Variants in KNTC1 observed in about 807,000 individuals in gnomAD.
The protein encoded by KNTC1 is kinetochore-associated protein 1.
KNTC1 carries 253 observed loss-of-function variants against 314.4 expected under a neutral mutation model. The observed-to-expected ratio is 0.80, with a 90% CI of 0.73 to 0.89. The LOEUF is 0.89. Ranked by LOEUF, KNTC1 falls within the 40% of genes least tolerant of loss-of-function variation. KNTC1 has a pLI of 0.00. For synonymous variants in KNTC1, 901 were observed against 901.4 expected (o/e 1.00, Z 0.01); for missense variants, 2,475 against 2,572.9 (o/e 0.96, Z 0.82).
intron 16 of KNTC1, among the ~76,000 whole-genome samples, chr12:122,556,074 G>A (rs938707377): frequency 7.3e-5 from 11 of 151,526 alleles, no homozygotes; most frequent in African/African-American, 1.2e-4. Context: ...GTGCAGTGGC[G>A]CGATTTTGGC....
At chr12:122,617,523 C>CTAG in intron 57 of KNTC1, 1 of 268,942 alleles carries the variant, frequency 3.7e-6, no homozygotes, top group East Asian at 1.3e-4. Context: ...CGCGCCTGGC[C>CTAG]AGTGTTCTTT....
rs117443613 is a variant in KNTC1, at chr12:122,530,138, A to G, written c.75A>G (p.Glu25=). 180 of 1,613,730 alleles carry G rather than the reference A, an allele frequency of 1.1e-4. No individual in the cohort carries two copies. The East Asian group carries it at 3.9e-3, about 35-fold the overall frequency. The change falls in exon 2 of 64, where the codon GAA becomes GAG. Residue 25 remains glutamate (E), a synonymous_variant. Coordinates refer to ENST00000333479, the MANE Select transcript of KNTC1 (RefSeq NM_014708.6). ...ACCTGAGTGTCGGTTCAAGAAAAGA[A>G]CATGGAACTGCTTTATATCAAGTAG... ...SGYLSVGSRK[E]HGTALYQVDL...
chr12:122,555,609 G>A (rs1963529544), intron 16 of KNTC1, among the ~76,000 whole-genome samples: 1 of 151,804 alleles, frequency 6.6e-6, no homozygotes, highest in African/African-American at 2.4e-5. Context: ...CAGCACCTTG[G>A]AAGGCCAGGG....
intron 57 of KNTC1, among the ~76,000 whole-genome samples, chr12:122,616,584 G>A (rs1873792034): frequency 6.6e-6 from 1 of 152,094 alleles, no homozygotes; most frequent in Non-Finnish European, 1.5e-5. Flanking sequence ...TTACAGGCAT[G>A]TATGCTATGT....
chr12:122,611,734 A>G (rs1420265722), intron 53 of KNTC1: 1 of 152,200 alleles, frequency 6.6e-6, no homozygotes, highest in Non-Finnish European at 1.5e-5. Flanking sequence ...AAATCTGAGG[A>G]CGCTCAAGTC....
At chr12:122,591,497 C>T (rs377261258) in intron 42 of KNTC1, 44 bp downstream of exon 42, 30 of 1,014,624 alleles carry the variant, frequency 3.0e-5, no homozygotes, top group African/African-American at 2.3e-4. Flanking sequence ...GTTAATTACC[C>T]GGTTGGAAAA....
intron 52 of KNTC1, among the ~76,000 whole-genome samples, chr12:122,610,261 C>CGTG (rs1236814172): frequency 6.6e-5 from 10 of 152,236 alleles, no homozygotes; most frequent in Non-Finnish European, 1.3e-4. Context: ...GAACTAGGCA[C>CGTG]GTGGAAGGTC....
In KNTC1 at chr12:122,582,780, A is replaced by G. The variant is rs1267603546; in HGVS notation, c.3058A>G (p.Ile1020Val). The G allele has an allele frequency of 6.2e-7, 1 of 1,612,954 alleles. No individual in the cohort carries two copies. Among genetic ancestry groups the G allele is most frequent in the Non-Finnish European group, 8.5e-7 (1 of 1,179,576 alleles). ...SLVADLREQH[I>V]KAHEVAQAKH... Reference sequence around the variant, plus strand: ...GGTAGCAGATCTCCGTGAGCAGCACATTAAAGCTCACGAAGTTGCACAGGC... The same window carrying G: ...GGTAGCAGATCTCCGTGAGCAGCACGTTAAAGCTCACGAAGTTGCACAGGC... Residue 1020 changes from isoleucine (I) to valine (V), a missense_variant, in exon 34 of 64, where the codon ATT (isoleucine) becomes GTT (valine). Physicochemically the swap from Ile to Val is conservative, Grantham distance 29. Transcript: ENST00000333479.
At chr12:122,564,805 A>G (rs1964197005) in intron 20 of KNTC1, among the ~76,000 whole-genome samples, 1 of 152,074 alleles carries the variant, frequency 6.6e-6, no homozygotes, top group Non-Finnish European at 1.5e-5. Flanking sequence ...TTTACCTTTG[A>G]TCATAGTCAG....
At chr12:122,548,289 A>T (rs996464467) in intron 12 of KNTC1, among the ~76,000 whole-genome samples, 1 of 151,462 alleles carries the variant, frequency 6.6e-6, no homozygotes, top group Admixed American at 6.6e-5. Flanking sequence ...GCTCACTGCA[A>T]CCCCCCACCC....
intron 40 of KNTC1, among the ~76,000 whole-genome samples, chr12:122,590,222 TTTCATATTTTG>T (rs1417046693): frequency 1.3e-5 from 2 of 152,110 alleles, no homozygotes; most frequent in African/African-American, 4.8e-5. Context: ...TATAAAATCA[TTTCATATTTTG>T]TATATATTTT....
intron 51 of KNTC1, among the ~76,000 whole-genome samples, chr12:122,606,690 A>T (rs1359183767): frequency 6.6e-6 from 1 of 152,092 alleles, no homozygotes; most frequent in Non-Finnish European, 1.5e-5. Context: ...CAAAAATAGT[A>T]AAAAAAGAAT....
At position 122,527,329 on chromosome 12, in the gene KNTC1, C is replaced by T. The variant is rs1960757003; in HGVS notation, c.-96C>T. The T allele has an allele frequency of 5.6e-6, 1 of 178,302 alleles. No homozygotes were observed. Among genetic ancestry groups the T allele is most frequent in the South Asian group, 1.0e-4 (1 of 9,990 alleles). The allele number at this position is 178,302 out of a possible 1,614,324, so 11.0% of individuals were successfully genotyped here. On this transcript the variant is annotated 5_prime_UTR_variant, in exon 1 of 64. Transcript: ENST00000333479. ...AGAGGGGCCAGATATCTGAGTGTTC[C>T]TCTTTAGTTTCTTCAATTGCAGGTG...
chr12:122,537,365 C>G (rs78334021), intron 3 of KNTC1, among the ~76,000 whole-genome samples: 3 of 152,094 alleles, frequency 2.0e-5, no homozygotes, highest in African/African-American at 4.8e-5. Flanking sequence ...CCCAGAACAT[C>G]TATCACCTTC....
chr12:122,621,349 G>A (rs141840708), intron 60 of KNTC1, among the ~76,000 whole-genome samples: 27 of 152,192 alleles, frequency 1.8e-4, no homozygotes, highest in African/African-American at 3.6e-4. Context: ...AGGCTTTTTC[G>A]TTTGTTTGTT....
At chr12:122,583,736 G>T (rs560695326) in intron 34 of KNTC1, among the ~76,000 whole-genome samples, 1 of 152,242 alleles carries the variant, frequency 6.6e-6, no homozygotes, top group African/African-American at 2.4e-5. Flanking sequence ...TGAGGCAGGA[G>T]AATCGCTTGA....
Position 122,544,047 on chromosome 12 carries a change from C to T in KNTC1, c.559-112C>T, listed in dbSNP as rs531163154. 1.1e-3 allele frequency: 548 copies of T among 477,824 alleles called. 1 individual carries two copies. The highest frequency in any genetic ancestry group is 0.011 in the African/African-American group (502 of 45,978). The allele number at this position is 477,824 out of a possible 1,614,324, so 29.6% of individuals were successfully genotyped here. A position where few individuals can be genotyped will look rare whatever the true frequency, so the allele number is the denominator to read the frequency against. ...CTGGGCAACAAGAGCAAAACTCTGT[C>T]TCCAAAAAAAAAAAAAAAAATTTAT... On this transcript the variant is annotated intron_variant, in intron 7 of 63. Coordinates refer to ENST00000333479, the MANE Select transcript of KNTC1 (RefSeq NM_014708.6).
At chr12:122,547,386 G>T in intron 10 of KNTC1, 29 bp from the exon 11 acceptor site, 1 of 1,401,970 alleles carries the variant, frequency 7.1e-7, no homozygotes, top group South Asian at 1.2e-5. Context: ...AAAAAAAAAG[G>T]ACATGTAAAT....
At chr12:122,620,168 C>CAA (rs10719316) in intron 59 of KNTC1, 192 of 99,376 alleles carry the variant, frequency 1.9e-3, no homozygotes, top group Middle Eastern at 0.01. Context: ...GACTGTTTCT[C>CAA]AAAAAAAAAA....
Sources: gnomAD v4.1 joint callset for allele counts (sites outside exome capture counted in the v4.1 genomes callset) on GRCh38, gnomAD v4.1.1 for gene constraint, MANE v1.5 for transcripts, NCBI Gene and HGNC (gene_info 2026-07-23, HGNC 2026-07-21) for gene names.